The following NAA35 variants were observed in gnomAD, a reference collection of about 807,000 sequenced individuals.
NAA35 encodes the protein N-alpha-acetyltransferase 35, NatC auxiliary subunit.
Under a neutral mutation model 101.7 loss-of-function variants are expected in NAA35, and 18 were observed. The observed-to-expected ratio is 0.18, with a 90% confidence interval of 0.12 to 0.26. The LOEUF is 0.26. Ranked by LOEUF, NAA35 falls within the 10% of genes least tolerant of loss-of-function variation. NAA35 has a pLI of 1.00. For missense variants in NAA35, 601 were observed against 886.8 expected (o/e 0.68, Z 4.09); for synonymous variants, 267 against 273.1 (o/e 0.98, Z 0.22).
chr9:85,976,445 G>A (rs1830215632), intron 8 of NAA35, among the ~76,000 whole-genome samples: 1 of 151,934 alleles, frequency 6.6e-6, no homozygotes, highest in Admixed American at 6.6e-5. Context: ...TCATTGTTTT[G>A]CTTTTGCTGT....
In NAA35 at chr9:86,015,592, G is replaced by A. The variant is rs879281883; in HGVS notation, c.1569-947G>A. 8 of 362,946 alleles carry A rather than the reference G, an allele frequency of 2.2e-5. No individual in the cohort carries two copies. In the Admixed American group the frequency reaches 4.5e-4, roughly 20 times the overall value. 22.5% of individuals were successfully genotyped at this position (362,946 alleles called of 1,614,324 possible). A position where few individuals can be genotyped will look rare whatever the true frequency, so the allele number is the denominator to read the frequency against. ...GACCGAATAATTTGCATTTCTAACT[G>A]GTTCTCAGGTGAACTGCTGCTGGCC... is the stretch of plus-strand genomic sequence containing the variant. On this transcript the variant is annotated intron_variant, in intron 17 of 22. Transcript: ENST00000361671.
chr9:85,953,104 C>T (rs971487657), intron 2 of NAA35, among the ~76,000 whole-genome samples: 3 of 151,976 alleles, frequency 2.0e-5, no homozygotes, highest in South Asian at 4.2e-4. Context: ...TCCCAGTTAC[C>T]CAGGAGGCTG....
In NAA35 at chr9:85,958,498, C is replaced by T; in HGVS notation, c.185C>T (p.Ala62Val). 6.2e-7 allele frequency: 1 copy of T among 1,608,256 alleles called. No homozygotes were observed. Among genetic ancestry groups the T allele is most frequent in the Non-Finnish European group, 8.5e-7 (1 of 1,177,240 alleles). The stretch of plus-strand genomic sequence containing the variant: ...TTTGGTCTTTTTGAAGCCATGTCTG[C>T]TATTGAAATGATGGATCCCAAGATG... ...KLFGLFEAMS[A>V]IEMMDPKMDA... The change falls in exon 4 of 23, where the codon GCT becomes GTT. Residue 62 changes from alanine (A) to valine (V), a missense_variant. Transcript: ENST00000361671.
At chr9:85,995,140 C>G (rs1191730602) in intron 11 of NAA35, among the ~76,000 whole-genome samples, 1 of 151,884 alleles carries the variant, frequency 6.6e-6, no homozygotes, top group East Asian at 1.9e-4. Context: ...AGTTTAAACC[C>G]ATGTATCATA....
intron 6 of NAA35, among the ~76,000 whole-genome samples, chr9:85,971,538 A>T (rs957291161): frequency 6.6e-6 from 1 of 152,168 alleles, no homozygotes; most frequent in South Asian, 2.1e-4. Context: ...CTATACAATG[A>T]TGAAGTCCAA....
intron 17 of NAA35, among the ~76,000 whole-genome samples, chr9:86,014,564 T>TAC (rs1832108547): frequency 6.6e-6 from 1 of 152,252 alleles, no homozygotes; most frequent in Non-Finnish European, 1.5e-5. Context: ...TGACCTGTGT[T>TAC]ACTCATCACA....
chr9:86,004,333 G>A (rs1831539368), intron 13 of NAA35, among the ~76,000 whole-genome samples: 1 of 152,056 alleles, frequency 6.6e-6, no homozygotes, highest in Non-Finnish European at 1.5e-5. Flanking sequence ...TCAAACCCCT[G>A]ACCTCAGGTG....
rs1832335231 is a variant in NAA35 at position 86,018,318 on chromosome 9, C to G, written c.1837C>G (p.Gln613Glu). 1 of 1,613,978 alleles carries G rather than the reference C, an allele frequency of 6.2e-7. No homozygotes were observed. Among genetic ancestry groups the G allele is most frequent in the Admixed American group, 1.7e-5 (1 of 60,016 alleles). Residue 613 changes from glutamine to glutamate, a missense_variant, in exon 20 of 23, where the codon CAA (glutamine) becomes GAA (glutamate). Transcript: ENST00000361671. ...RKPKFELDSE[Q>E]VRYEHRFAPF... is the part of the protein sequence containing the mutation. ...ACCGAAGTTTGAGCTTGATAGTGAACAAGTTCGGTATGAACACAGGTTTGC... is the reference window on the plus strand; with the variant it reads ...ACCGAAGTTTGAGCTTGATAGTGAAGAAGTTCGGTATGAACACAGGTTTGC...
chr9:86,015,614 G>T, intron 17 of NAA35: 1 of 513,368 alleles, frequency 1.9e-6, no homozygotes, highest in Non-Finnish European at 2.5e-6. Context: ...AACTGCTGCT[G>T]GCCCAGAGAT....
At chr9:85,964,091 A>G (rs1423578744) in intron 6 of NAA35, among the ~76,000 whole-genome samples, 2 of 151,924 alleles carry the variant, frequency 1.3e-5, no homozygotes, top group East Asian at 3.9e-4. Flanking sequence ...TGTGTGTGTC[A>G]ATGAATATGA....
At chr9:85,985,923 G>A (rs975404172) in intron 11 of NAA35, among the ~76,000 whole-genome samples, 1 of 152,160 alleles carries the variant, frequency 6.6e-6, no homozygotes, top group South Asian at 2.1e-4. Context: ...TGGAAGATGT[G>A]CTCCATTAAA....
At chr9:85,986,216 T>C (rs911770644) in intron 11 of NAA35, among the ~76,000 whole-genome samples, 1 of 152,234 alleles carries the variant, frequency 6.6e-6, no homozygotes, top group Non-Finnish European at 1.5e-5. Context: ...GAGACAATTA[T>C]TAAACTTCAG....
chr9:85,951,997 A>G (rs1449183540), intron 2 of NAA35, among the ~76,000 whole-genome samples: 1 of 152,178 alleles, frequency 6.6e-6, no homozygotes, highest in Non-Finnish European at 1.5e-5. Context: ...TCATTATACA[A>G]TATTAATAAG....
At chr9:86,001,851 A>G (rs546055559) in intron 12 of NAA35, among the ~76,000 whole-genome samples, 3 of 152,192 alleles carry the variant, frequency 2.0e-5, no homozygotes, top group East Asian at 1.9e-4. Context: ...TAAGTGGGCC[A>G]TTTAGCCCGT....
chr9:85,969,923 G>A (rs1042290201), intron 6 of NAA35, among the ~76,000 whole-genome samples: 1 of 150,042 alleles, frequency 6.7e-6, no homozygotes, highest in African/African-American at 2.5e-5. Flanking sequence ...TTTTCTCTCT[G>A]CTCTAGTCAG....
chr9:85,988,097 A>T (rs1158688432), intron 11 of NAA35, among the ~76,000 whole-genome samples: 2 of 152,324 alleles, frequency 1.3e-5, no homozygotes, highest in East Asian at 3.9e-4. Flanking sequence ...ACACATGCAC[A>T]CGGGCACATC....
chr9:85,963,009 C>A (rs969785289), intron 6 of NAA35, among the ~76,000 whole-genome samples: 2 of 151,996 alleles, frequency 1.3e-5, no homozygotes, highest in African/African-American at 4.8e-5. Flanking sequence ...GGAATTGCAT[C>A]TCAACCTAGG....
At chr9:85,962,216 T>G in intron 6 of NAA35, 36 bp downstream of exon 6, 1 of 1,599,458 alleles carries the variant, frequency 6.3e-7, no homozygotes, top group Non-Finnish European at 8.5e-7. Context: ...CTTGGCCAGG[T>G]GCGGTGGCTC....
intron 6 of NAA35, among the ~76,000 whole-genome samples, chr9:85,974,315 T>G (rs1189419333): frequency 6.6e-6 from 1 of 152,164 alleles, no homozygotes; most frequent in Non-Finnish European, 1.5e-5. Context: ...TAATGGGGCA[T>G]ATGACTTGTT....
Sources: allele counts gnomAD v4.1 joint callset (sites outside exome capture counted in the v4.1 genomes callset), GRCh38; gene constraint gnomAD v4.1.1; transcripts MANE v1.5; gene names NCBI Gene and HGNC (gene_info 2026-07-23, HGNC 2026-07-21).